FOXP2: variants seen among roughly 807,000 people sequenced by gnomAD.
FOXP2 encodes forkhead box protein P2.
In FOXP2, 12 loss-of-function variants were observed where a neutral mutation model predicts 115.8. The observed-to-expected ratio is 0.10, with a 90% CI of 0.07 to 0.17. The LOEUF is 0.17. FOXP2 is among the 10% of genes least tolerant of loss of function. The pLI, the probability that FOXP2 is intolerant of heterozygous loss-of-function variation, is 1.00. For missense variants in FOXP2, 629 were observed against 843.5 expected (o/e 0.75, Z 3.15); for synonymous variants, 328 against 297.7 (o/e 1.10, Z -1.05).
chr7:114,102,091 T>C (rs1337077381), intron 1 of FOXP2, among the ~76,000 whole-genome samples: 1 of 152,092 alleles, frequency 6.6e-6, no homozygotes, highest in Admixed American at 6.6e-5. Context: ...TTTTTTGGTC[T>C]ATTTTATCTC....
chr7:114,304,595 AG>A (rs1335839591), intron 2 of FOXP2, among the ~76,000 whole-genome samples: 1 of 147,362 alleles, frequency 6.8e-6, no homozygotes, highest in Non-Finnish European at 1.5e-5. Context: ...GCTTGAACCT[AG>A]GATATGGAGG....
At chr7:114,368,596 T>G (rs1791935003) in intron 2 of FOXP2, among the ~76,000 whole-genome samples, 1 of 152,150 alleles carries the variant, frequency 6.6e-6, no homozygotes. Context: ...TTGAAAATTA[T>G]TACTCTCTAG....
chr7:114,565,382 A>G (rs1487180999), intron 3 of FOXP2, among the ~76,000 whole-genome samples: 1 of 152,168 alleles, frequency 6.6e-6, no homozygotes, highest in African/African-American at 2.4e-5. Flanking sequence ...AGGAAAAAAT[A>G]CCTGTCATGC....
intron 1 of FOXP2, among the ~76,000 whole-genome samples, chr7:114,220,112 G>T (rs997409556): frequency 5.3e-5 from 8 of 149,910 alleles, no homozygotes; most frequent in Admixed American, 2.0e-4. Context: ...CTTGTGATCC[G>T]CCTGCCTCAG....
chr7:114,664,392 C>G lies in FOXP2; in HGVS notation c.1959C>G (p.Asp653Glu). 6.2e-7 allele frequency: 1 copy of G among 1,613,570 alleles called. No individual in the cohort carries two copies. The highest frequency in any genetic ancestry group is 8.5e-7 in the Non-Finnish European group (1 of 1,179,688). ...TCAATGGTTCTCTGGATCACATTGA[C>G]AGCAATGGAAACAGTAGTCCGGGCT... The part of the protein sequence containing the change: ...EDLNGSLDHI[D>E]SNGNSSPGCS... Residue 653 changes from aspartate (D) to glutamate (E), a missense_variant, in exon 16 of 17, where the codon GAC (aspartate) becomes GAG (glutamate). By Grantham distance (45) the Asp-to-Glu change is conservative (BLOSUM62 2). This residue lies in a region of FOXP2 where 117 missense variants were observed against 112.3 expected (regional missense o/e 1.04). Transcript: ENST00000350908.
At chr7:114,570,777 C>T (rs774758667) in intron 3 of FOXP2, 2 of 1,568,806 alleles carry the variant, frequency 1.3e-6, no homozygotes, top group South Asian at 1.1e-5. Flanking sequence ...GAAAAAAAAG[C>T]CAACTCCTGA....
At chr7:114,633,048 G>T (rs1160028291) in intron 6 of FOXP2, among the ~76,000 whole-genome samples, 1 of 151,950 alleles carries the variant, frequency 6.6e-6, no homozygotes, top group African/African-American at 2.4e-5. Context: ...AAAAAATATT[G>T]TTTTTGTTTT....
chr7:114,411,685 C>T (rs1276396925), upstream of FOXP2, among the ~76,000 whole-genome samples: 3 of 152,028 alleles, frequency 2.0e-5, no homozygotes, highest in South Asian at 2.1e-4. Context: ...TTAGTTTGTT[C>T]TGCTGCTTTC....
At chr7:114,551,701 A>G (rs1019945377) in intron 3 of FOXP2, among the ~76,000 whole-genome samples, 5 of 149,174 alleles carry the variant, frequency 3.4e-5, no homozygotes, top group African/African-American at 1.3e-4. Context: ...TTAAAAAAAG[A>G]GAGAGAAAAA....
At chr7:114,638,997 G>A (rs1386723205) in intron 6 of FOXP2, among the ~76,000 whole-genome samples, 4 of 152,076 alleles carry the variant, frequency 2.6e-5, no homozygotes. Context: ...CAATAGCACG[G>A]TTATATCACT....
At chr7:114,360,922 T>G (rs576657562) in intron 2 of FOXP2, among the ~76,000 whole-genome samples, 1 of 152,312 alleles carries the variant, frequency 6.6e-6, no homozygotes, top group East Asian at 1.9e-4. Context: ...ATGGACAACT[T>G]AAATACTTTA....
At chr7:114,471,819 G>T (rs1796060744) in intron 2 of FOXP2, among the ~76,000 whole-genome samples, 1 of 151,756 alleles carries the variant, frequency 6.6e-6, no homozygotes, top group Non-Finnish European at 1.5e-5. Flanking sequence ...AATTAGCTGG[G>T]CATGGTGGCG....
At chr7:114,300,590 A>G (rs1796855278) in intron 2 of FOXP2, among the ~76,000 whole-genome samples, 1 of 152,050 alleles carries the variant, frequency 6.6e-6, no homozygotes. Flanking sequence ...TCTGAGTAGT[A>G]CACTACTATA....
intron 16 of FOXP2, chr7:114,668,553 G>A (rs1807304075): frequency 6.6e-6 from 1 of 152,064 alleles, no homozygotes; most frequent in Admixed American, 6.6e-5. Flanking sequence ...GGTTTCCCAA[G>A]GAATTTTACT....
In FOXP2 at chr7:114,692,856, G is replaced by C. The variant is rs957187753; in HGVS notation, c.*2930G>C. ...TCTTTTTTGAGGTAAACTAATTTTT[G>C]ATACTTTTCATTACTGTGTACTATG... On this transcript the variant is annotated 3_prime_UTR_variant, in exon 17 of 17. Coordinates refer to ENST00000350908, the MANE Select transcript of FOXP2 (RefSeq NM_014491.4). 6.7e-6 allele frequency: 3 copies of C among 450,966 alleles called. No homozygotes were observed. Among genetic ancestry groups the C allele is most frequent in the African/African-American group, 6.0e-5 (3 of 49,748 alleles). The allele number at this position is 450,966 out of a possible 1,614,324, so 27.9% of individuals were successfully genotyped here.
chr7:114,415,747 T>C (rs1793311780), intron 1 of FOXP2, among the ~76,000 whole-genome samples: 1 of 151,954 alleles, frequency 6.6e-6, no homozygotes, highest in South Asian at 2.1e-4. Context: ...GGGCGCAAGT[T>C]TTTGAAAAGG....
At chr7:114,546,458 ATTCATTCC>A (rs1799930227) in intron 3 of FOXP2, among the ~76,000 whole-genome samples, 1 of 152,230 alleles carries the variant, frequency 6.6e-6, no homozygotes, top group African/African-American at 2.4e-5. Flanking sequence ...TTGTTCATTT[ATTCATTCC>A]TTCATTCATT....
chr7:114,220,994 T>C (rs1283626233), intron 1 of FOXP2, among the ~76,000 whole-genome samples: 1 of 152,130 alleles, frequency 6.6e-6, no homozygotes, highest in African/African-American at 2.4e-5. Context: ...GTATGACAGA[T>C]TTATGATAAA....
At chr7:114,579,254 C>G (rs1023340810) in intron 3 of FOXP2, among the ~76,000 whole-genome samples, 6 of 152,126 alleles carry the variant, frequency 3.9e-5, no homozygotes, top group Non-Finnish European at 7.4e-5. Context: ...ATTGGACACT[C>G]AATGTATAAA....
Sources: gnomAD v4.1 joint callset for allele counts (sites outside exome capture counted in the v4.1 genomes callset) on GRCh38, gnomAD v4.1.1 for gene constraint, gnomAD v4.1.1 regional missense constraint, MANE v1.5 for transcripts, NCBI Gene and HGNC (gene_info 2026-07-23, HGNC 2026-07-21) for gene names.